The following PKP4 variants were observed in gnomAD, a reference collection of about 807,000 sequenced individuals.
The protein encoded by PKP4 is plakophilin 4.
Under a neutral mutation model 145.1 loss-of-function variants are expected in PKP4, and 90 were observed. The observed-to-expected ratio is 0.62, with a 90% CI of 0.52 to 0.74. PKP4 has a LOEUF of 0.74. PKP4 is among the 30% of genes least tolerant of loss of function. The pLI, the probability that PKP4 is intolerant of heterozygous loss-of-function variation, is 0.00. For synonymous variants in PKP4, 563 were observed against 577.2 expected (o/e 0.98, Z 0.35); for missense variants, 1,340 against 1,482.7 (o/e 0.90, Z 1.58).
intron 17 of PKP4, among the ~76,000 whole-genome samples, chr2:158,673,402 A>G (rs1474235916): frequency 6.6e-6 from 1 of 152,206 alleles, no homozygotes; most frequent in Non-Finnish European, 1.5e-5. Context: ...ACTGACACCT[A>G]CAGAGATCCT....
At chr2:158,676,318 G>A (rs1041961923) in intron 19 of PKP4, among the ~76,000 whole-genome samples, 1 of 152,214 alleles carries the variant, frequency 6.6e-6, no homozygotes, top group South Asian at 2.1e-4. Context: ...GATAATAGGT[G>A]GGTATTTTGC....
At chr2:158,489,765 T>A (rs1694677340) in intron 1 of PKP4, among the ~76,000 whole-genome samples, 1 of 152,256 alleles carries the variant, frequency 6.6e-6, no homozygotes, top group Non-Finnish European at 1.5e-5. Flanking sequence ...CAAATCAATT[T>A]AAGCTGTGTT....
chr2:158,567,492 A>C (rs908795157), intron 2 of PKP4, among the ~76,000 whole-genome samples: 1 of 152,138 alleles, frequency 6.6e-6, no homozygotes, highest in African/African-American at 2.4e-5. Context: ...GCAGTGGTTA[A>C]CCCATGGGGT....
At chr2:158,641,747 G>C (rs1213892456) in intron 10 of PKP4, among the ~76,000 whole-genome samples, 1 of 152,184 alleles carries the variant, frequency 6.6e-6, no homozygotes, top group African/African-American at 2.4e-5. Context: ...AATTTAAGGA[G>C]AGTAGCCTAG....
At chr2:158,558,270 G>A (rs894039217) in intron 2 of PKP4, among the ~76,000 whole-genome samples, 5 of 152,086 alleles carry the variant, frequency 3.3e-5, no homozygotes, top group African/African-American at 7.2e-5. Flanking sequence ...CATTTCGGCC[G>A]ATGCTACTAT....
At chr2:158,639,323 T>G (rs1280934731) in intron 9 of PKP4, among the ~76,000 whole-genome samples, 3 of 149,908 alleles carry the variant, frequency 2.0e-5, no homozygotes, top group African/African-American at 4.9e-5. Flanking sequence ...GCATGAGGGG[T>G]GTGTGTGTGT....
chr2:158,505,960 C>T (rs2040940004), intron 1 of PKP4, among the ~76,000 whole-genome samples: 1 of 152,096 alleles, frequency 6.6e-6, no homozygotes, highest in Non-Finnish European at 1.5e-5. Flanking sequence ...CTTCAACAGC[C>T]CTGTTTTGAA....
At chr2:158,540,456 ACTC>A (rs2044418018) in intron 2 of PKP4, among the ~76,000 whole-genome samples, 1 of 152,178 alleles carries the variant, frequency 6.6e-6, no homozygotes, top group Non-Finnish European at 1.5e-5. Flanking sequence ...TTTAAAGACT[ACTC>A]TGAGCAAAGC....
At chr2:158,542,599 G>GA (rs1371118680) in intron 2 of PKP4, among the ~76,000 whole-genome samples, 18 of 152,252 alleles carry the variant, frequency 1.2e-4, no homozygotes, top group African/African-American at 4.3e-4. Flanking sequence ...GTTTCCCACT[G>GA]AAAACCTTTG....
intron 1 of PKP4, among the ~76,000 whole-genome samples, chr2:158,513,464 T>G (rs540852695): frequency 1.1e-4 from 17 of 152,308 alleles, no homozygotes; most frequent in African/African-American, 4.1e-4. Context: ...ATTTAATGAT[T>G]GTATCCCCCA....
At chr2:158,640,355 G>A (rs566128030) in intron 9 of PKP4, among the ~76,000 whole-genome samples, 7 of 152,288 alleles carry the variant, frequency 4.6e-5, no homozygotes, top group African/African-American at 1.7e-4. Flanking sequence ...GGAGGAACAC[G>A]AGAGTGGAAG....
chr2:158,662,781 A>C (rs1324347754), intron 13 of PKP4, 116 bp from the exon 14 acceptor site: 5 of 740,502 alleles, frequency 6.8e-6, no homozygotes, highest in Non-Finnish European at 1.0e-5. Context: ...GTTCTCATAA[A>C]TAAAAAGTAG....
chr2:158,520,708 C>T (rs2042298123), intron 1 of PKP4, among the ~76,000 whole-genome samples: 1 of 152,196 alleles, frequency 6.6e-6, no homozygotes, highest in Non-Finnish European at 1.5e-5. Context: ...AGATCACAGC[C>T]CCCTCTCTCC....
chr2:158,574,201 T>C (rs2047650735), intron 2 of PKP4, among the ~76,000 whole-genome samples: 1 of 152,238 alleles, frequency 6.6e-6, no homozygotes, highest in African/African-American at 2.4e-5. Context: ...CTTTCTAAAG[T>C]CGTGTGGTAT....
At chr2:158,649,770 TAAC>T (rs1256793841) in intron 11 of PKP4, among the ~76,000 whole-genome samples, 3 of 152,160 alleles carry the variant, frequency 2.0e-5, no homozygotes, top group Non-Finnish European at 4.4e-5. Context: ...GGCCCTGTAA[TAAC>T]ATGCTCCCTC....
At chr2:158,557,247 A>G (rs2046175019) in intron 2 of PKP4, among the ~76,000 whole-genome samples, 1 of 152,170 alleles carries the variant, frequency 6.6e-6, no homozygotes, top group African/African-American at 2.4e-5. Flanking sequence ...TATGCACTTA[A>G]TGAATAATAG....
intron 2 of PKP4, among the ~76,000 whole-genome samples, chr2:158,559,135 T>A (rs1312902380): frequency 1.3e-5 from 2 of 152,228 alleles, no homozygotes; most frequent in African/African-American, 4.8e-5. Flanking sequence ...TCCTAGGATA[T>A]TTCTTGTGAA....
At chr2:158,668,639 C>T (rs2057320564) in intron 16 of PKP4, among the ~76,000 whole-genome samples, 2 of 152,206 alleles carry the variant, frequency 1.3e-5, no homozygotes, top group Non-Finnish European at 2.9e-5. Flanking sequence ...TCAAAATCAC[C>T]AGAGCTAACT....
At chr2:158,580,816 A>C (rs1354086437) in intron 3 of PKP4, among the ~76,000 whole-genome samples, 1 of 152,164 alleles carries the variant, frequency 6.6e-6, no homozygotes, top group Non-Finnish European at 1.5e-5. Context: ...TGATGTCCCA[A>C]CTAAATGCTT....
Sources: allele counts gnomAD v4.1 joint callset (sites outside exome capture counted in the v4.1 genomes callset), GRCh38; gene constraint gnomAD v4.1.1; transcripts MANE v1.5; gene names NCBI Gene and HGNC (gene_info 2026-07-23, HGNC 2026-07-21).